ABCC2: variants seen among roughly 807,000 people sequenced by gnomAD.
The protein encoded by ABCC2 is ATP-binding cassette sub-family C member 2.
Under a neutral mutation model 173.4 loss-of-function variants are expected in ABCC2, and 157 were observed. The observed-to-expected ratio is 0.91, with a 90% confidence interval of 0.80 to 1.03. The LOEUF is 1.03. ABCC2 is among the 50% of genes least tolerant of loss of function. ABCC2 has a pLI of 0.00. For synonymous variants in ABCC2, 657 were observed against 693.5 expected, an observed-to-expected ratio of 0.95 and a Z score of 0.83; for missense variants, 1,822 against 1,852.3, an observed-to-expected ratio of 0.98 and a Z score of 0.30.
chr10:99,831,289 A>G (rs1264886637), intron 21 of ABCC2, among the ~76,000 whole-genome samples: 1 of 152,226 alleles, frequency 6.6e-6, no homozygotes, highest in Non-Finnish European at 1.5e-5. Flanking sequence ...TCAGGGCTCA[A>G]GAGATCCTCC....
At chr10:99,812,228 G>T (rs1007973038) in intron 15 of ABCC2, among the ~76,000 whole-genome samples, 1 of 152,162 alleles carries the variant, frequency 6.6e-6, no homozygotes, top group African/African-American at 2.4e-5. Flanking sequence ...TCCAGAGCTA[G>T]CCCCAGGATG....
intron 30 of ABCC2, among the ~76,000 whole-genome samples, chr10:99,848,982 T>C (rs757819581): frequency 1.6e-4 from 25 of 152,152 alleles, no homozygotes; most frequent in Non-Finnish European, 3.2e-4. Context: ...CCCAGCACTT[T>C]GGGAGGCCGA....
chr10:99,825,270 A>G (rs564175179), intron 19 of ABCC2, among the ~76,000 whole-genome samples: 69 of 152,306 alleles, frequency 4.5e-4, no homozygotes, highest in African/African-American at 1.6e-3. Context: ...TCTGGCCCTA[A>G]GCAATGTAAA....
At position 99,851,539 on chromosome 10, in the gene ABCC2, G is replaced by A. The variant is rs186295082; in HGVS notation, c.4546G>A (p.Gly1516Ser). Residue 1516 changes from glycine (G) to serine (S), a missense_variant, in exon 32 of 32, where the codon GGC (glycine) becomes AGC (serine). Gly to Ser is a moderately conservative substitution (Grantham distance 56). Transcript: ENST00000647814. ...VLDNGKIIEC[G>S]SPEELLQIPG... ...AGACAACGGGAAGATTATAGAGTGC[G>A]GCAGCCCTGAAGAACTGCTACAAAT... is the stretch of plus-strand genomic sequence containing the variant. The A allele has an allele frequency of 6.4e-5, 104 of 1,614,038 alleles. No individual in the cohort carries two copies. Among genetic ancestry groups the A allele is most frequent in the East Asian group, 1.6e-4 (7 of 44,878 alleles).
intron 14 of ABCC2, among the ~76,000 whole-genome samples, chr10:99,810,962 TG>T (rs1475038254): frequency 6.7e-6 from 1 of 149,414 alleles, no homozygotes; most frequent in Non-Finnish European, 1.5e-5. Context: ...AGGCAGAGGT[TG>T]TGGTGAGCTG....
In ABCC2 at chr10:99,804,203, C is replaced by T. The variant is rs867979691; in HGVS notation, c.1394C>T (p.Ala465Val). ...AGAGAGTTGGGACCCTCAGTCTTAG[C>T]AGGTGTTGGGGTGATGGTGCTTGTA... ...LWRELGPSVL[A>V]GVGVMVLVIP... The change falls in exon 10 of 32, where the codon GCA becomes GTA. Residue 465 changes from alanine to valine, a missense_variant. Coordinates refer to ENST00000647814, the MANE Select transcript of ABCC2 (RefSeq NM_000392.5). The T allele has an allele frequency of 9.3e-6, 15 of 1,613,954 alleles. No individual in the cohort carries two copies. In the Middle Eastern group the frequency reaches 4.9e-4, roughly 53 times the overall value.
At chr10:99,791,126 G>A (rs539478281) in intron 2 of ABCC2, among the ~76,000 whole-genome samples, 1 of 152,284 alleles carries the variant, frequency 6.6e-6, no homozygotes, top group East Asian at 1.9e-4. Flanking sequence ...TCAAGACTGG[G>A]GCTGAGTGTG....
chr10:99,830,224 C>A, intron 19 of ABCC2, 83 bp from the exon 20 acceptor site: 1 of 1,565,838 alleles, frequency 6.4e-7, no homozygotes, highest in Non-Finnish European at 8.8e-7. Flanking sequence ...CCAGCAAGAT[C>A]AGAGGAGGCT....
intron 19 of ABCC2, among the ~76,000 whole-genome samples, chr10:99,826,366 C>G (rs374769386): frequency 6.6e-6 from 1 of 151,026 alleles, no homozygotes; most frequent in Non-Finnish European, 1.5e-5. Flanking sequence ...TCAGGATTGG[C>G]GTTTTCATAT....
At position 99,813,151 on chromosome 10, in the gene ABCC2, G is replaced by A. The variant is rs755623694; in HGVS notation, c.2094+7G>A. ...CGGGCACATCACCATCAAGGTGAGA[G>A]GGAATGCCAATGCAAAAGCCTCTGA... On this transcript the variant is annotated splice_region_variant and intron_variant, in intron 16 of 31. Coordinates refer to ENST00000647814, the MANE Select transcript of ABCC2 (RefSeq NM_000392.5). The A allele has an allele frequency of 9.3e-6, 15 of 1,613,238 alleles. No homozygotes were observed. Among genetic ancestry groups the A allele is most frequent in the South Asian group, 5.5e-5 (5 of 91,002 alleles).
intron 31 of ABCC2, 121 bp from the exon 32 acceptor site, chr10:99,851,381 G>C: frequency 1.7e-6 from 2 of 1,170,550 alleles, no homozygotes; most frequent in Non-Finnish European, 2.5e-6. Flanking sequence ...GTGGCTCATT[G>C]ATTTTCACTG....
chr10:99,849,890 A>C (rs568361558), intron 30 of ABCC2, among the ~76,000 whole-genome samples: 1 of 152,334 alleles, frequency 6.6e-6, no homozygotes, highest in South Asian at 2.1e-4. Flanking sequence ...CATTTCCCAA[A>C]GCTTCTTTAT....
intron 29 of ABCC2, 101 bp downstream of exon 29, chr10:99,845,883 A>C (rs2039009582): frequency 1.6e-6 from 2 of 1,287,002 alleles, no homozygotes; most frequent in Admixed American, 4.0e-5. Context: ...CAGCACTGTC[A>C]ATTCCACGGT....
At position 99,836,058 on chromosome 10, in the gene ABCC2, G is replaced by A. The variant is rs17222709; in HGVS notation, c.3415-33G>A. The A allele has an allele frequency of 5.8e-4, 925 of 1,608,668 alleles. 4 individuals carry two copies. Among genetic ancestry groups the A allele is most frequent in the African/African-American group, 9.6e-4 (72 of 74,890 alleles). ...AAGATGGTGGATGCCTCATGACTGC[G>A]GGACTGGCTGATTCTTTACTTTTTG... On this transcript the variant is annotated intron_variant, in intron 24 of 31. Coordinates refer to ENST00000647814, the MANE Select transcript of ABCC2 (RefSeq NM_000392.5).
At position 99,817,294 on chromosome 10, in the gene ABCC2, C is replaced by A; in HGVS notation, c.2095-14C>A. 6.2e-7 allele frequency: 1 copy of A among 1,614,042 alleles called. No homozygotes were observed. The highest frequency in any genetic ancestry group is 1.1e-5 in the South Asian group (1 of 91,056). ...AGGTGCAGCTGTAACATGATCTGAT[C>A]CTTTTTCATCTAGGGCACCACTGCC... is the stretch of plus-strand genomic sequence containing the variant. On this transcript the variant is annotated splice_polypyrimidine_tract_variant and intron_variant, in intron 16 of 31. Transcript: ENST00000647814.
rs769065081 is a variant in ABCC2 at position 99,847,023 on chromosome 10, TGAG to T, written c.4213_4215del (p.Glu1405del). 2.5e-5 allele frequency: 40 copies of T among 1,614,082 alleles called. No homozygotes were observed. The highest frequency in any genetic ancestry group is 1.3e-4 in the African/African-American group (10 of 74,934). On this transcript the variant is annotated inframe_deletion, in exon 30 of 32. Coordinates refer to ENST00000647814, the MANE Select transcript of ABCC2 (RefSeq NM_000392.5). ...TCGACCCTTTCAACAACTACTCAGA[TGAG>T]GAGATTTGGAAGGCCTTGGAGCTGG...
chr10:99,807,633 G>A, intron 12 of ABCC2, 112 bp downstream of exon 12: 6 of 1,481,366 alleles, frequency 4.1e-6, no homozygotes, highest in Non-Finnish European at 1.9e-6. Context: ...CTGACCGCAA[G>A]ATCCAGGGGA....
intron 17 of ABCC2, among the ~76,000 whole-genome samples, chr10:99,817,970 T>C (rs1207106743): frequency 6.6e-6 from 1 of 152,194 alleles, no homozygotes; most frequent in Non-Finnish European, 1.5e-5. Flanking sequence ...ACGCCTATAA[T>C]CCTAGCACTT....
At chr10:99,806,651 T>G (rs947806804) in intron 11 of ABCC2, among the ~76,000 whole-genome samples, 8 of 152,232 alleles carry the variant, frequency 5.3e-5, no homozygotes, top group African/African-American at 1.7e-4. Flanking sequence ...GAAGAAGAAT[T>G]ATCTTTCATC....
Sources: allele counts gnomAD v4.1 joint callset (sites outside exome capture counted in the v4.1 genomes callset), GRCh38; gene constraint gnomAD v4.1.1; transcripts MANE v1.5; gene names NCBI Gene and HGNC (gene_info 2026-07-23, HGNC 2026-07-21).